The following ALG9 variants were observed in gnomAD, a reference collection of about 807,000 sequenced individuals.
ALG9 encodes the protein ALG9 alpha-1,2-mannosyltransferase, also known as alpha-1,2-mannosyltransferase ALG9.
A neutral mutation model predicts 81.8 loss-of-function variants in ALG9; 55 were observed. The ratio of observed to expected loss-of-function variants is 0.67; its 90% confidence interval spans 0.54 to 0.84. The LOEUF is 0.84. Among genes scored for constraint, ALG9 ranks in the 40% least tolerant of loss-of-function variants. The pLI is 0.00. For missense variants in ALG9, 629 were observed against 745.0 expected (o/e 0.84, Z 1.81); for synonymous variants, 278 against 274.3 (o/e 1.01, Z -0.13).
the ALG9 span, chr11:111,769,377 G>C: frequency 7.2e-5 from 11 of 152,572 alleles, no homozygotes; most frequent in African/African-American, 2.7e-4. Context: ...CCAGCACTTT[G>C]GGAGGCCGAG....
chr11:111,864,589 G>T, intron 4 of ALG9: 1 of 510,988 alleles, frequency 2.0e-6, no homozygotes, highest in Non-Finnish European at 3.6e-6. Context: ...CGAACTTCTA[G>T]TTTCATCAGT....
At chr11:111,830,742 GA>G (rs1175460461) in intron 13 of ALG9, among the ~76,000 whole-genome samples, 1 of 152,134 alleles carries the variant, frequency 6.6e-6, no homozygotes, top group Non-Finnish European at 1.5e-5. Context: ...AAATGAGAGA[GA>G]AAGGAAGAAA....
intron 14 of ALG9, among the ~76,000 whole-genome samples, chr11:111,804,795 A>G (rs1555083591): frequency 6.6e-6 from 1 of 152,230 alleles, no homozygotes; most frequent in African/African-American, 2.4e-5. Flanking sequence ...AATTCAAAAC[A>G]CTGATAATCC....
chr11:111,774,338 T>C, the ALG9 span, among the ~76,000 whole-genome samples: 1 of 152,056 alleles, frequency 6.6e-6, no homozygotes, highest in Non-Finnish European at 1.5e-5. Context: ...ATTGCACCAT[T>C]GCACTCCAGC....
intron 14 of ALG9, among the ~76,000 whole-genome samples, chr11:111,807,234 T>C (rs2136387047): frequency 6.6e-6 from 1 of 152,322 alleles, no homozygotes; most frequent in Admixed American, 6.5e-5. Context: ...TTCAATAGCC[T>C]ACAAAGCTCT....
At chr11:111,797,991 A>G (rs1948552470) in intron 14 of ALG9, 1 of 158,642 alleles carries the variant, frequency 6.3e-6, no homozygotes, top group Admixed American at 6.5e-5. Context: ...ATTTGTATTT[A>G]CTCTTCATCT....
intron 13 of ALG9, among the ~76,000 whole-genome samples, chr11:111,825,174 T>C (rs1953020930): frequency 6.6e-6 from 1 of 152,216 alleles, no homozygotes; most frequent in Non-Finnish European, 1.5e-5. Context: ...ATTTCTACTA[T>C]TAACAAGGTT....
At chr11:111,863,268 G>A (rs1960988680) in intron 4 of ALG9, among the ~76,000 whole-genome samples, 1 of 152,284 alleles carries the variant, frequency 6.6e-6, no homozygotes, top group South Asian at 2.1e-4. Flanking sequence ...TGAGATGGCA[G>A]AATTGCTTGA....
chr11:111,849,617 T>C (rs1957449330), intron 8 of ALG9: 2 of 152,218 alleles, frequency 1.3e-5, no homozygotes, highest in African/African-American at 4.8e-5. Context: ...ATTATCCTGA[T>C]GCTCTCTCCC....
intron 14 of ALG9, among the ~76,000 whole-genome samples, chr11:111,802,448 T>C (rs1949271461): frequency 6.6e-6 from 1 of 152,188 alleles, no homozygotes; most frequent in Admixed American, 6.6e-5. Flanking sequence ...CACATATGAT[T>C]GCACTTATAT....
At chr11:111,824,735 A>C (rs1403139102) in intron 13 of ALG9, among the ~76,000 whole-genome samples, 1 of 152,218 alleles carries the variant, frequency 6.6e-6, no homozygotes, top group East Asian at 1.9e-4. Context: ...TTTTAAACGC[A>C]AACCTTTTCA....
chr11:111,851,554 C>T, intron 8 of ALG9, among the ~76,000 whole-genome samples: 1 of 151,450 alleles, frequency 6.6e-6, no homozygotes, highest in East Asian at 1.9e-4. Flanking sequence ...TTTCATAAGT[C>T]TCTCACAAAA....
At chr11:111,796,311 A>G (rs980549218) in intron 14 of ALG9, among the ~76,000 whole-genome samples, 2 of 152,220 alleles carry the variant, frequency 1.3e-5, no homozygotes, top group African/African-American at 4.8e-5. Flanking sequence ...CTAACTCTCA[A>G]GGAACTTGGA....
chr11:111,780,469 T>A (rs1242717244), downstream of ALG9, among the ~76,000 whole-genome samples: 1 of 151,916 alleles, frequency 6.6e-6, no homozygotes, highest in Non-Finnish European at 1.5e-5. Context: ...TGATCTTGGC[T>A]CACTGCAACC....
intron 4 of ALG9, among the ~76,000 whole-genome samples, chr11:111,862,478 C>T (rs944140585): frequency 6.6e-6 from 1 of 151,776 alleles, no homozygotes; most frequent in African/African-American, 2.4e-5. Context: ...AAGTGATCCA[C>T]CTGCCTCGGC....
chr11:111,805,192 G>T (rs1318205908), intron 14 of ALG9: 2 of 453,700 alleles, frequency 4.4e-6, no homozygotes, highest in Non-Finnish European at 8.9e-6. Flanking sequence ...GAAGAGGCTA[G>T]AGAGCTAGCT....
chr11:111,818,042 G>C (rs186734934), intron 13 of ALG9, among the ~76,000 whole-genome samples: 12 of 152,194 alleles, frequency 7.9e-5, no homozygotes, highest in Admixed American at 4.6e-4. Flanking sequence ...GCCTCCCAAA[G>C]TGCTGGGATT....
At chr11:111,793,948 T>C (rs1947853877) in intron 14 of ALG9, among the ~76,000 whole-genome samples, 1 of 152,186 alleles carries the variant, frequency 6.6e-6, no homozygotes, top group Non-Finnish European at 1.5e-5. Flanking sequence ...ACAGGCAGCG[T>C]GATTCAGGGA....
chr11:111,868,610 T>C lies in ALG9; in HGVS notation c.397A>G (p.Thr133Ala), dbSNP rs782580398. ...GGTTGGTCTGCCCTTACCTTATTAG[T>C]TTGTAGAATTCTTGCATGAAATGCA... ...PAAFHARILQ[T>A]NKILVFYFLR... is the part of the protein sequence containing the mutation. Residue 133 changes from threonine (T) to alanine (A), a missense_variant, in exon 3 of 15, where the codon ACT becomes GCT. By Grantham distance (58) the Thr-to-Ala change is moderately conservative. This residue lies in a region of ALG9 where 344 missense variants were observed against 390.5 expected (regional missense o/e 0.88). Transcript: ENST00000616540. 4.3e-6 allele frequency: 7 copies of C among 1,613,838 alleles called. No homozygotes were observed. In the African/African-American group the frequency reaches 8.0e-5, roughly 18 times the overall value.
Sources: gnomAD v4.1 joint callset for allele counts (sites outside exome capture counted in the v4.1 genomes callset) on GRCh38, gnomAD v4.1.1 for gene constraint, gnomAD v4.1.1 regional missense constraint, MANE v1.5 for transcripts, NCBI Gene and HGNC (gene_info 2026-07-23, HGNC 2026-07-21) for gene names.